The following CCDC171 variants were observed in gnomAD, a reference collection of about 807,000 sequenced individuals.
The protein encoded by CCDC171 is coiled-coil domain-containing protein 171.
CCDC171 carries 177 observed loss-of-function variants against 168.2 expected under a neutral mutation model. The observed-to-expected ratio is 1.05, with a 90% CI of 0.93 to 1.19. CCDC171 has a LOEUF of 1.19. Among genes scored for constraint, CCDC171 ranks in the 50% most tolerant of loss-of-function variants. CCDC171 has a pLI of 0.00. For missense variants in CCDC171, 1,991 were observed against 1,539.0 expected (o/e 1.29, Z -4.91); for synonymous variants, 687 against 540.8 (o/e 1.27, Z -3.75).
At chr9:16,077,494 T>A in the CCDC171 span, among the ~76,000 whole-genome samples, 5 of 152,288 alleles carry the variant, frequency 3.3e-5, no homozygotes, top group East Asian at 7.7e-4. Context: ...GGGAGGCTAG[T>A]GGATGTGATG....
intron 24 of CCDC171, among the ~76,000 whole-genome samples, chr9:15,916,472 GT>G (rs1163453890): frequency 6.6e-6 from 1 of 151,896 alleles, no homozygotes; most frequent in Non-Finnish European, 1.5e-5. Flanking sequence ...AAGTGATAGA[GT>G]TTTTTGCTTT....
chr9:15,668,741 A>G (rs771755762), intron 9 of CCDC171, among the ~76,000 whole-genome samples: 3 of 152,002 alleles, frequency 2.0e-5, no homozygotes, highest in African/African-American at 2.4e-5. Context: ...CTGTACTTCC[A>G]TTTTCCATTT....
intron 8 of CCDC171, among the ~76,000 whole-genome samples, chr9:15,660,120 G>T (rs534236791): frequency 1.3e-5 from 2 of 151,980 alleles, no homozygotes; most frequent in African/African-American, 2.4e-5. Flanking sequence ...TAAAGATTTG[G>T]TATTAAAATT....
the CCDC171 span, among the ~76,000 whole-genome samples, chr9:16,091,399 A>T: frequency 6.6e-6 from 1 of 152,244 alleles, no homozygotes; most frequent in Non-Finnish European, 1.5e-5. Flanking sequence ...GATGTTGTGG[A>T]GAGCATGACT....
chr9:15,926,410 G>T (rs115243044), intron 25 of CCDC171, among the ~76,000 whole-genome samples: 1 of 151,534 alleles, frequency 6.6e-6, no homozygotes, highest in African/African-American at 2.4e-5. Flanking sequence ...TACCTTCATC[G>T]GTTCCCAATC....
intron 16 of CCDC171, among the ~76,000 whole-genome samples, chr9:15,731,532 A>C (rs1200228265): frequency 3.9e-5 from 6 of 152,140 alleles, no homozygotes; most frequent in Non-Finnish European, 8.8e-5. Context: ...TGTGTGAATC[A>C]GTACTTCATT....
At chr9:15,821,032 A>G (rs1431819255) in intron 21 of CCDC171, among the ~76,000 whole-genome samples, 1 of 117,858 alleles carries the variant, frequency 8.5e-6, no homozygotes, top group African/African-American at 3.2e-5. Context: ...CTGGTTCAAC[A>G]TATGAAAATC....
intron 7 of CCDC171, among the ~76,000 whole-genome samples, chr9:15,639,937 C>G (rs761098215): frequency 2.6e-5 from 4 of 152,128 alleles, no homozygotes; most frequent in Non-Finnish European, 5.9e-5. Flanking sequence ...CAACACAGGT[C>G]TTTTGCTTAC....
intron 20 of CCDC171, among the ~76,000 whole-genome samples, chr9:15,782,329 A>G (rs958742548): frequency 2.0e-5 from 3 of 152,194 alleles, no homozygotes; most frequent in Admixed American, 1.3e-4. Flanking sequence ...TTTGTTTATT[A>G]GCTCCTTACA....
intron 6 of CCDC171, among the ~76,000 whole-genome samples, chr9:15,596,589 G>T (rs1409162357): frequency 6.6e-6 from 1 of 151,952 alleles, no homozygotes; most frequent in African/African-American, 2.4e-5. Context: ...GATGCCTCCA[G>T]CTTTGTTCTT....
intron 24 of CCDC171, among the ~76,000 whole-genome samples, chr9:15,876,780 G>A (rs913536692): frequency 6.6e-6 from 1 of 151,908 alleles, no homozygotes; most frequent in East Asian, 1.9e-4. Flanking sequence ...TTTATACTAA[G>A]TGTGGCTACT....
chr9:15,873,750 C>G (rs1223827597), intron 23 of CCDC171, among the ~76,000 whole-genome samples: 1 of 152,000 alleles, frequency 6.6e-6, no homozygotes, highest in Non-Finnish European at 1.5e-5. Flanking sequence ...GGAATATTTT[C>G]TCATTTGTCC....
Position 15,666,298 on chromosome 9 carries a change from C to T in CCDC171, c.1051C>T (p.Gln351Ter), listed in dbSNP as rs748434101. The change falls in exon 9 of 26, where the codon CAA (glutamine) becomes TAA (stop). Residue 351 changes from glutamine (Q) to a stop codon, truncating the protein, a stop_gained. Transcript: ENST00000380701. LOFTEE classifies it high-confidence loss of function. Reference sequence around the variant, plus strand: ...ATATGAGCGAGAAAAGCATAATGCACAAGAGAGCTTTGCAAAACTAAATTT... The same window carrying T: ...ATATGAGCGAGAAAAGCATAATGCATAAGAGAGCTTTGCAAAACTAAATTT... ...SAYEREKHNA[Q>*]ESFAKLNLLE... 1.9e-6 allele frequency: 3 copies of T among 1,610,074 alleles called. No homozygotes were observed. Among genetic ancestry groups the T allele is most frequent in the Non-Finnish European group, 2.5e-6 (3 of 1,178,426 alleles).
At chr9:15,630,547 A>G (rs10962101) in intron 7 of CCDC171, among the ~76,000 whole-genome samples, 72,737 of 151,854 alleles carry the variant, frequency 0.48, 17,879 homozygotes, top group East Asian at 0.76. Flanking sequence ...TGACCTACAA[A>G]GAGACTTAGA....
the CCDC171 span, among the ~76,000 whole-genome samples, chr9:16,100,714 G>A: frequency 6.6e-6 from 1 of 152,312 alleles, no homozygotes; most frequent in Non-Finnish European, 1.5e-5. Flanking sequence ...GGAAGCAGCT[G>A]CGAGGAGAGC....
In CCDC171 at chr9:15,591,538, A is replaced by G. The variant is rs753417673; in HGVS notation, c.525A>G (p.Arg175=). ...ATTTACTTATGAAAGAAAAAAGCAG[A>G]CTAGAGAAAACTCTACAGGTAAAAT... The part of the protein sequence containing the change: ...EYDLLMKEKS[R]LEKTLQEALE... Residue 175 remains arginine, a synonymous_variant, in exon 5 of 26, where the codon AGA becomes AGG. Coordinates refer to ENST00000380701, the MANE Select transcript of CCDC171 (RefSeq NM_173550.4). 1.3e-6 allele frequency: 2 copies of G among 1,560,328 alleles called. No homozygotes were observed. Among genetic ancestry groups the G allele is most frequent in the East Asian group, 2.3e-5 (1 of 44,030 alleles).
At chr9:15,702,887 A>G in intron 11 of CCDC171, among the ~76,000 whole-genome samples, 1 of 147,480 alleles carries the variant, frequency 6.8e-6, no homozygotes, top group East Asian at 2.1e-4. Flanking sequence ...CAAATTAAAG[A>G]GAGTTAGGGC....
chr9:15,853,524 T>C (rs1408496951), intron 23 of CCDC171, among the ~76,000 whole-genome samples: 2 of 151,628 alleles, frequency 1.3e-5, no homozygotes, highest in East Asian at 3.9e-4. Context: ...TTTCTACATG[T>C]AAGATTATGT....
intron 6 of CCDC171, among the ~76,000 whole-genome samples, chr9:15,616,324 G>A (rs1316326197): frequency 6.6e-6 from 1 of 151,808 alleles, no homozygotes; most frequent in Non-Finnish European, 1.5e-5. Context: ...GAGTTCAAGG[G>A]ATCTACCCAC....
Sources: allele counts gnomAD v4.1 joint callset (sites outside exome capture counted in the v4.1 genomes callset), GRCh38; gene constraint gnomAD v4.1.1; transcripts MANE v1.5; gene names NCBI Gene and HGNC (gene_info 2026-07-23, HGNC 2026-07-21).